Variants in KPNA7 observed in about 807,000 individuals in gnomAD.
KPNA7 encodes the protein importin subunit alpha-8.
Under a neutral mutation model 53.7 loss-of-function variants are expected in KPNA7, and 54 were observed. The ratio of observed to expected loss-of-function variants is 1.01; its 90% CI spans 0.81 to 1.26. KPNA7 has a LOEUF of 1.26. Among genes scored for constraint, KPNA7 ranks in the 50% most tolerant of loss-of-function variants. The probability of loss-of-function intolerance (pLI) is 0.00; values close to 1 mark genes in which losing one functional copy is unlikely to be tolerated. For missense variants in KPNA7, 640 were observed against 644.5 expected, an observed-to-expected ratio of 0.99 and a Z score of 0.07; for synonymous variants, 276 against 259.3, an observed-to-expected ratio of 1.06 and a Z score of -0.62.
At chr7:99,174,064 C>T (rs982280190) in intron 10 of KPNA7, among the ~76,000 whole-genome samples, 1 of 152,166 alleles carries the variant, frequency 6.6e-6, no homozygotes, top group African/African-American at 2.4e-5. Flanking sequence ...CTGGGCCACA[C>T]AGCAGAAGGT....
At chr7:99,195,431 G>A in intron 4 of KPNA7, 93 bp from the exon 5 acceptor site, 1 of 1,219,116 alleles carries the variant, frequency 8.2e-7, no homozygotes, top group Non-Finnish European at 1.1e-6. Context: ...GCTCACACCT[G>A]TAATCTCAGC....
intron 6 of KPNA7, among the ~76,000 whole-genome samples, chr7:99,192,251 C>T (rs1164943503): frequency 2.6e-5 from 4 of 152,128 alleles, no homozygotes; most frequent in African/African-American, 9.7e-5. Context: ...GGCATATATG[C>T]TAAACTGTGA....
chr7:99,203,535 C>A (rs1210106471), intron 2 of KPNA7, among the ~76,000 whole-genome samples: 1 of 151,974 alleles, frequency 6.6e-6, no homozygotes, highest in Non-Finnish European at 1.5e-5. Flanking sequence ...ATCCCATTGC[C>A]CTAAGTCTGA....
At chr7:99,184,769 G>A (rs1320847554) in intron 8 of KPNA7, among the ~76,000 whole-genome samples, 160 bp downstream of exon 8, 3 of 152,058 alleles carry the variant, frequency 2.0e-5, no homozygotes, top group South Asian at 2.1e-4. Flanking sequence ...AGAATGGAAC[G>A]CCCCCTTCCT....
At chr7:99,199,952 G>T (rs556734050) in intron 3 of KPNA7, among the ~76,000 whole-genome samples, 1 of 151,960 alleles carries the variant, frequency 6.6e-6, no homozygotes, top group Middle Eastern at 3.2e-3. Flanking sequence ...ACACAGTCTC[G>T]CTCTCTTACT....
Position 99,185,137 on chromosome 7 carries a change from T to C in KPNA7, c.926A>G (p.Asn309Ser). Reference sequence around the variant, plus strand: ...CTGCTCATCTGTGCCCGTGACAATGTTCCCCACGGTGCGGAGAGAAGGAGT... The same window carrying C: ...CTGCTCATCTGTGCCCGTGACAATGCTCCCCACGGTGCGGAGAGAAGGAGT... ...VLTPSLRTVG[N>S]IVTGTDEQTQ... The change falls in exon 8 of 11, where the codon AAC (asparagine) becomes AGC (serine). Residue 309 changes from asparagine to serine, a missense_variant. Physicochemically the swap from Asn to Ser is conservative, Grantham distance 46. Transcript: ENST00000327442. 6.4e-7 allele frequency: 1 copy of C among 1,552,062 alleles called. No individual in the cohort carries two copies. The highest frequency in any genetic ancestry group is 2.0e-5 in the Admixed American group (1 of 50,968).
chr7:99,154,625 C>T, the KPNA7 span, among the ~76,000 whole-genome samples: 9 of 150,684 alleles, frequency 6.0e-5, no homozygotes, highest in Admixed American at 2.6e-4. Flanking sequence ...CACCTCCAAG[C>T]GATTCTCCTG....
At chr7:99,204,149 G>T (rs1790682443) in intron 2 of KPNA7, among the ~76,000 whole-genome samples, 1 of 152,140 alleles carries the variant, frequency 6.6e-6, no homozygotes, top group Admixed American at 6.5e-5. Context: ...GGAGGTCAAG[G>T]TGGGAGGATC....
chr7:99,199,626 A>C (rs766586548), intron 3 of KPNA7, among the ~76,000 whole-genome samples: 18 of 152,366 alleles, frequency 1.2e-4, no homozygotes, highest in Admixed American at 2.0e-4. Flanking sequence ...TAAGAGCTAA[A>C]ATTATGAACT....
At chr7:99,190,907 A>G (rs1789915115) in intron 6 of KPNA7, among the ~76,000 whole-genome samples, 1 of 151,948 alleles carries the variant, frequency 6.6e-6, no homozygotes, top group African/African-American at 2.4e-5. Context: ...ATATACACAT[A>G]TGTCACCTAG....
intron 6 of KPNA7, among the ~76,000 whole-genome samples, chr7:99,190,670 G>GTTCT (rs768586879): frequency 6.9e-6 from 1 of 145,430 alleles, no homozygotes; most frequent in African/African-American, 2.6e-5. Flanking sequence ...TTTTTTTTTG[G>GTTCT]GGGGAGACAG....
chr7:99,165,362 G>T, the KPNA7 span, among the ~76,000 whole-genome samples: 1 of 151,312 alleles, frequency 6.6e-6, no homozygotes, highest in African/African-American at 2.4e-5. Flanking sequence ...GCCACCTAGG[G>T]CATCCTGAGC....
intron 3 of KPNA7, among the ~76,000 whole-genome samples, chr7:99,200,979 AATGG>A (rs780199937): frequency 4.6e-5 from 7 of 152,062 alleles, no homozygotes; most frequent in Non-Finnish European, 1.0e-4. Flanking sequence ...TAAACAAATA[AATGG>A]ATAAACAAAA....
rs1246400302 is a variant in KPNA7 at position 99,217,699 on chromosome 7, C to T, written c.-23-10210G>A. ...AGGCTGGAGTGTAGTGGTGCTATCT[C>T]GGCTCACTGCAGCCTCCGCCTCCTG... is the stretch of plus-strand genomic sequence containing the variant. On this transcript the variant is annotated intron_variant, in intron 1 of 10. Coordinates refer to the KPNA7 transcript ENST00000681060. Among the ~76,000 whole-genome samples, 5 of 140,280 alleles carry T rather than the reference C, an allele frequency of 3.6e-5. No homozygotes were observed. In the East Asian group the frequency reaches 1.1e-3, roughly 31 times the overall value. 92.0% of individuals were successfully genotyped at this position (140,280 alleles called of 152,430 possible).
At chr7:99,219,138 G>A (rs1791287644) in intron 1 of KPNA7, among the ~76,000 whole-genome samples, 1 of 152,224 alleles carries the variant, frequency 6.6e-6, no homozygotes, top group Admixed American at 6.5e-5. Context: ...CGGGCAAGAG[G>A]CTGATTGAGT....
intron 8 of KPNA7, among the ~76,000 whole-genome samples, chr7:99,183,160 G>A (rs1359906709): frequency 1.3e-5 from 2 of 152,100 alleles, no homozygotes; most frequent in Non-Finnish European, 2.9e-5. Context: ...GCTGAGGAAG[G>A]AGAATCACTT....
At chr7:99,214,050 G>C (rs1429105436) in intron 1 of KPNA7, among the ~76,000 whole-genome samples, 2 of 152,142 alleles carry the variant, frequency 1.3e-5, no homozygotes, top group Middle Eastern at 3.2e-3. Flanking sequence ...TAACTGTGAA[G>C]TATCAGAACC....
chr7:99,202,348 C>T (rs1222236089), intron 3 of KPNA7, among the ~76,000 whole-genome samples: 1 of 152,024 alleles, frequency 6.6e-6, no homozygotes, highest in East Asian at 1.9e-4. Flanking sequence ...TCACAGAAAC[C>T]GGACTAACCT....
intron 3 of KPNA7, 32 bp from the exon 4 acceptor site, chr7:99,196,198 T>G: frequency 6.8e-7 from 1 of 1,481,034 alleles, no homozygotes; most frequent in Non-Finnish European, 9.2e-7. Context: ...GGTCAGACTG[T>G]CTGCCAAAAT....
Sources: gnomAD v4.1 joint callset for allele counts (sites outside exome capture counted in the v4.1 genomes callset) on GRCh38, gnomAD v4.1.1 for gene constraint, MANE v1.5 for transcripts, NCBI Gene and HGNC (gene_info 2026-07-23, HGNC 2026-07-21) for gene names.